The following SORCS2 variants were observed in gnomAD, a reference collection of about 807,000 sequenced individuals.
The protein encoded by SORCS2 is VPS10 domain-containing receptor SorCS2.
Under a neutral mutation model 141.6 loss-of-function variants are expected in SORCS2, and 100 were observed. That is an observed-to-expected ratio of 0.71 (90% CI 0.60 to 0.83). SORCS2 has a LOEUF of 0.83. SORCS2 is among the 40% of genes least tolerant of loss of function. The pLI, the probability that SORCS2 is intolerant of heterozygous loss-of-function variation, is 0.00. For synonymous variants in SORCS2, 789 were observed against 676.9 expected, an observed-to-expected ratio of 1.17 and a Z score of -2.57; for missense variants, 1,646 against 1,560.2, an observed-to-expected ratio of 1.05 and a Z score of -0.93.
chr4:7,602,567 C>G (rs936458749), intron 3 of SORCS2, among the ~76,000 whole-genome samples: 3 of 145,020 alleles, frequency 2.1e-5, no homozygotes, highest in East Asian at 4.1e-4. Context: ...TGGCGGCGGC[C>G]GGGAAGAGGC....
rs565437170 is a variant in SORCS2 at position 7,664,889 on chromosome 4, G to A, written c.1071+418G>A. The stretch of plus-strand genomic sequence containing the variant: ...GCCTGTGCCCTCAGGTCACAAGTGG[G>A]CCCACCCTCAGCAGCCATGTGGTCC... On this transcript the variant is annotated intron_variant, in intron 7 of 26. Transcript: ENST00000507866. The surrounding 1 kb of genome is among the most constrained non-coding windows in gnomAD (Gnocchi z 4.7). Among the ~76,000 whole-genome samples, 6 of 152,294 alleles carry A rather than the reference G, an allele frequency of 3.9e-5. No homozygotes were observed. In the South Asian group the frequency reaches 6.2e-4, roughly 16 times the overall value.
At chr4:7,737,950 C>G (rs145349837) in intron 26 of SORCS2, among the ~76,000 whole-genome samples, 1 of 152,216 alleles carries the variant, frequency 6.6e-6, no homozygotes, top group African/African-American at 2.4e-5. Flanking sequence ...CACATGGTCT[C>G]GCTGTGTGGC....
chr4:7,479,463 A>G (rs1450218813), intron 2 of SORCS2, among the ~76,000 whole-genome samples: 1 of 152,226 alleles, frequency 6.6e-6, no homozygotes, highest in Non-Finnish European at 1.5e-5. Context: ...CCCAGAAGAC[A>G]ATCAAGGGCC....
At chr4:7,243,057 T>C (rs1401597274) in intron 1 of SORCS2, among the ~76,000 whole-genome samples, 4 of 149,680 alleles carry the variant, frequency 2.7e-5, no homozygotes, top group Non-Finnish European at 4.4e-5. Flanking sequence ...GGGTTGAGGG[T>C]TGGCTCGGCG....
chr4:7,292,063 A>G (rs1277666038), intron 1 of SORCS2, among the ~76,000 whole-genome samples: 1 of 152,140 alleles, frequency 6.6e-6, no homozygotes, highest in Non-Finnish European at 1.5e-5. Context: ...CCGTCATGGG[A>G]AACCAGACCA....
intron 1 of SORCS2, among the ~76,000 whole-genome samples, chr4:7,204,419 T>C (rs927604392): frequency 6.6e-6 from 1 of 152,058 alleles, no homozygotes; most frequent in African/African-American, 2.4e-5. Context: ...GGTTTTGCTG[T>C]ATTGCCCAGG....
chr4:7,604,801 T>C (rs1717956273), intron 3 of SORCS2, among the ~76,000 whole-genome samples: 1 of 152,200 alleles, frequency 6.6e-6, no homozygotes, highest in African/African-American at 2.4e-5. Flanking sequence ...TATAGCAGTG[T>C]GAGAACAGAC....
chr4:7,350,302 C>T (rs549230274), intron 1 of SORCS2, among the ~76,000 whole-genome samples: 1 of 152,334 alleles, frequency 6.6e-6, no homozygotes, highest in African/African-American at 2.4e-5. Context: ...GTCAGCGTTC[C>T]AGAGTGGGGC....
chr4:7,597,288 T>C (rs995526613), intron 3 of SORCS2, among the ~76,000 whole-genome samples: 3 of 149,040 alleles, frequency 2.0e-5, no homozygotes, highest in Admixed American at 6.7e-5. Flanking sequence ...GGAGGGGCGA[T>C]TGCAATCGGA....
intron 2 of SORCS2, chr4:7,434,891 ACT>A (rs1298451456): frequency 1.3e-6 from 2 of 1,539,142 alleles, no homozygotes; most frequent in Non-Finnish European, 8.7e-7. Context: ...CTGCCCAGGG[ACT>A]CTCTGGCTCC....
chr4:7,601,933 T>A (rs1490000844), intron 3 of SORCS2, among the ~76,000 whole-genome samples: 4 of 152,188 alleles, frequency 2.6e-5, no homozygotes, highest in Non-Finnish European at 5.9e-5. Context: ...CCGCCCTTAA[T>A]CCATCTAACC....
chr4:7,442,713 C>T (rs1015716909), intron 2 of SORCS2, among the ~76,000 whole-genome samples: 5 of 148,508 alleles, frequency 3.4e-5, no homozygotes, highest in African/African-American at 5.0e-5. Context: ...ATCAACAAAG[C>T]GGAGAGCAGC....
At chr4:7,364,710 G>A (rs778390236) in intron 1 of SORCS2, among the ~76,000 whole-genome samples, 9 of 152,212 alleles carry the variant, frequency 5.9e-5, no homozygotes, top group Non-Finnish European at 8.8e-5. Flanking sequence ...GCTAGGAGCT[G>A]TTGTGAGGAC....
At chr4:7,692,241 G>A (rs891019382) in intron 11 of SORCS2, among the ~76,000 whole-genome samples, 6 of 152,192 alleles carry the variant, frequency 3.9e-5, no homozygotes, top group Middle Eastern at 3.2e-3. Flanking sequence ...CCAGTGCCAC[G>A]TGACCGCACT....
chr4:7,481,321 C>T (rs962021958), intron 2 of SORCS2, among the ~76,000 whole-genome samples: 6 of 152,330 alleles, frequency 3.9e-5, no homozygotes, highest in African/African-American at 9.6e-5. Flanking sequence ...GGCACAGCCC[C>T]GGGAGGGAGC....
intron 3 of SORCS2, among the ~76,000 whole-genome samples, chr4:7,585,229 C>T (rs976464754): frequency 1.3e-5 from 2 of 152,196 alleles, no homozygotes; most frequent in Non-Finnish European, 2.9e-5. Flanking sequence ...TGAAGCAGGT[C>T]CATCGGGGCC....
chr4:7,726,391 G>A (rs1727220911), intron 20 of SORCS2, among the ~76,000 whole-genome samples: 1 of 152,108 alleles, frequency 6.6e-6, no homozygotes, highest in Non-Finnish European at 1.5e-5. Flanking sequence ...TGGCTAACAT[G>A]GTGAAACCCC....
intron 2 of SORCS2, among the ~76,000 whole-genome samples, chr4:7,444,289 C>T: frequency 6.6e-6 from 1 of 152,160 alleles, no homozygotes; most frequent in East Asian, 1.9e-4. Context: ...AGAAATTAAA[C>T]AACACATAAT....
At chr4:7,443,136 A>G (rs1413178890) in intron 2 of SORCS2, among the ~76,000 whole-genome samples, 2 of 152,124 alleles carry the variant, frequency 1.3e-5, no homozygotes, top group South Asian at 2.1e-4. Flanking sequence ...ATCTGTAAAA[A>G]CCCTAGCTCC....
Sources: allele counts gnomAD v4.1 joint callset (sites outside exome capture counted in the v4.1 genomes callset), GRCh38; gene constraint gnomAD v4.1.1; non-coding constraint Gnocchi (gnomAD v3.1); transcripts MANE v1.5; gene names NCBI Gene and HGNC (gene_info 2026-07-23, HGNC 2026-07-21).